The following QKI variants were observed in gnomAD, a reference collection of about 807,000 sequenced individuals.
The protein encoded by QKI is KH domain-containing RNA-binding protein QKI.
A neutral mutation model predicts 39.0 loss-of-function variants in QKI; 10 were observed. The ratio of observed to expected loss-of-function variants is 0.26; its 90% confidence interval spans 0.16 to 0.43. The LOEUF (loss-of-function observed/expected upper bound fraction) is 0.43. Among genes scored for constraint, QKI ranks in the 20% least tolerant of loss-of-function variants. The pLI is 1.00. For synonymous variants in QKI, 204 were observed against 155.4 expected (o/e 1.31, Z -2.33); for missense variants, 218 against 428.0 (o/e 0.51, Z 4.33).
chr6:163,431,625 C>T (rs1788836345), intron 1 of QKI, among the ~76,000 whole-genome samples: 1 of 151,960 alleles, frequency 6.6e-6, no homozygotes. Context: ...TGAGATCTGT[C>T]AGTAACACCG....
intron 2 of QKI, among the ~76,000 whole-genome samples, chr6:163,458,000 T>C (rs1314869463): frequency 1.3e-5 from 2 of 152,030 alleles, no homozygotes; most frequent in Non-Finnish European, 2.9e-5. Flanking sequence ...ATGAAAACCA[T>C]CTGGGAGAAA....
intron 3 of QKI, among the ~76,000 whole-genome samples, chr6:163,533,637 A>G (rs1781012551): frequency 6.6e-6 from 1 of 152,224 alleles, no homozygotes; most frequent in African/African-American, 2.4e-5. Flanking sequence ...AAAGAATGTA[A>G]TGTGACCTTA....
intron 4 of QKI, among the ~76,000 whole-genome samples, chr6:163,538,903 G>A (rs1781355680): frequency 6.6e-6 from 1 of 152,190 alleles, no homozygotes; most frequent in Non-Finnish European, 1.5e-5. Flanking sequence ...ACAAGAGCAG[G>A]TTTGGGAGGA....
chr6:163,443,309 G>A (rs1174960964), intron 1 of QKI, among the ~76,000 whole-genome samples: 4 of 152,352 alleles, frequency 2.6e-5, no homozygotes, highest in Non-Finnish European at 5.9e-5. Context: ...AGTGGCTCAC[G>A]CCTGTAATCC....
At chr6:163,554,628 C>A (rs1212824979) in intron 4 of QKI, among the ~76,000 whole-genome samples, 1 of 152,156 alleles carries the variant, frequency 6.6e-6, no homozygotes, top group Non-Finnish European at 1.5e-5. Flanking sequence ...ACTTCTGATT[C>A]CATATTCCTC....
At chr6:163,487,559 A>G (rs1348998434) in intron 3 of QKI, among the ~76,000 whole-genome samples, 2 of 152,150 alleles carry the variant, frequency 1.3e-5, no homozygotes, top group African/African-American at 4.8e-5. Flanking sequence ...AGGGTCATCT[A>G]CATTGTAATT....
intron 2 of QKI, among the ~76,000 whole-genome samples, chr6:163,469,960 C>T (rs1370643992): frequency 6.6e-6 from 1 of 152,098 alleles, no homozygotes; most frequent in Non-Finnish European, 1.5e-5. Flanking sequence ...TGCCAGTAGA[C>T]TTGTGTTTGT....
At chr6:163,493,574 C>G (rs950441796) in intron 3 of QKI, among the ~76,000 whole-genome samples, 8 of 152,104 alleles carry the variant, frequency 5.3e-5, no homozygotes, top group African/African-American at 1.9e-4. Context: ...ATAAATGTGA[C>G]TGGGCTCCAT....
chr6:163,526,812 C>T (rs575605506), intron 3 of QKI, among the ~76,000 whole-genome samples: 1 of 152,172 alleles, frequency 6.6e-6, no homozygotes, highest in Non-Finnish European at 1.5e-5. Context: ...TTTTGGTCAT[C>T]GTGGGGCCAG....
intron 3 of QKI, among the ~76,000 whole-genome samples, chr6:163,483,354 A>G (rs1793226990): frequency 6.6e-6 from 1 of 152,206 alleles, no homozygotes; most frequent in African/African-American, 2.4e-5. Context: ...ATTGCTTAAA[A>G]TAAGAACAAC....
chr6:163,491,880 GAT>G (rs1186797429), intron 3 of QKI, among the ~76,000 whole-genome samples: 4 of 152,178 alleles, frequency 2.6e-5, no homozygotes, highest in Admixed American at 2.0e-4. Flanking sequence ...CTCAGCCATA[GAT>G]ATAACTCCAG....
intron 4 of QKI, among the ~76,000 whole-genome samples, chr6:163,557,264 C>A (rs571103444): frequency 6.6e-6 from 1 of 152,088 alleles, no homozygotes; most frequent in Non-Finnish European, 1.5e-5. Flanking sequence ...CAAGTTAAAT[C>A]AGATGGATGG....
At chr6:163,546,849 G>C (rs1225215674) in intron 4 of QKI, among the ~76,000 whole-genome samples, 1 of 151,670 alleles carries the variant, frequency 6.6e-6, no homozygotes, top group Non-Finnish European at 1.5e-5. Flanking sequence ...GCTCCTTTAT[G>C]GGAATTAACT....
In QKI at chr6:163,415,153, CG is replaced by C; in HGVS notation, c.-39del. 2 of 1,408,176 alleles carry C rather than the reference CG, an allele frequency of 1.4e-6. No individual in the cohort carries two copies. Among genetic ancestry groups the C allele is most frequent in the Non-Finnish European group, 1.9e-6 (2 of 1,060,870 alleles). 87.2% of individuals were successfully genotyped at this position (1,408,176 alleles called of 1,614,324 possible). A position where few individuals can be genotyped will look rare whatever the true frequency, so the allele number is the denominator to read the frequency against. On this transcript the variant is annotated 5_prime_UTR_variant, in exon 1 of 8. Coordinates refer to ENST00000361752, the MANE Select transcript of QKI (RefSeq NM_006775.3). ...GCCCCTCCCTCCTCTCCGGCGGCGG[CG>C]GCGGCGGCGGCGGGCGGAGTGAGCT...
At chr6:163,436,789 CAAAAAAAAAA>C (rs60899517) in intron 1 of QKI, among the ~76,000 whole-genome samples, 3 of 89,438 alleles carry the variant, frequency 3.4e-5, no homozygotes, top group Admixed American at 1.4e-4. Flanking sequence ...GACTCCGTCT[CAAAAAAAAAA>C]AAAAAAAAAA....
chr6:163,512,783 T>C (rs1779561755), intron 3 of QKI, among the ~76,000 whole-genome samples: 1 of 152,174 alleles, frequency 6.6e-6, no homozygotes, highest in Non-Finnish European at 1.5e-5. Context: ...TCTGAAATTA[T>C]TCACAGTATA....
chr6:163,431,829 A>T (rs2128211241), intron 1 of QKI, among the ~76,000 whole-genome samples: 1 of 34,226 alleles, frequency 2.9e-5, no homozygotes. Flanking sequence ...AACTGTTCTT[A>T]TTAAAAAAAA....
chr6:163,533,923 C>T (rs992891043), intron 3 of QKI, among the ~76,000 whole-genome samples: 1 of 152,096 alleles, frequency 6.6e-6, no homozygotes, highest in Non-Finnish European at 1.5e-5. Flanking sequence ...TGAATTGTTG[C>T]AGAAAGCAGT....
intron 3 of QKI, among the ~76,000 whole-genome samples, chr6:163,516,442 A>T (rs6906008): frequency 1.3e-5 from 2 of 151,898 alleles, no homozygotes; most frequent in African/African-American, 2.4e-5. Flanking sequence ...CTATAGGCGC[A>T]CACCACCATG....
Sources: allele counts gnomAD v4.1 joint callset (sites outside exome capture counted in the v4.1 genomes callset), GRCh38; gene constraint gnomAD v4.1.1; transcripts MANE v1.5; gene names NCBI Gene and HGNC (gene_info 2026-07-23, HGNC 2026-07-21).